EYS: variants seen among roughly 807,000 people sequenced by gnomAD.
The protein encoded by EYS is EGF-like photoreceptor maintenance factor.
In EYS, 250 loss-of-function variants were observed where a neutral mutation model predicts 282.1. The ratio of observed to expected loss-of-function variants is 0.89; its 90% confidence interval spans 0.80 to 0.98. EYS has a LOEUF of 0.98. Ranked by LOEUF, EYS falls within the 50% of genes least tolerant of loss-of-function variation. The pLI, the probability that EYS is intolerant of heterozygous loss-of-function variation, is 0.00. For missense variants in EYS, 4,016 were observed against 3,709.0 expected, an observed-to-expected ratio of 1.08 and a Z score of -2.15; for synonymous variants, 1,355 against 1,282.9, an observed-to-expected ratio of 1.06 and a Z score of -1.20.
chr6:65,270,216 G>A (rs1315183251), intron 12 of EYS, among the ~76,000 whole-genome samples: 1 of 152,176 alleles, frequency 6.6e-6, no homozygotes, highest in African/African-American at 2.4e-5. Context: ...TAGGAAAGAA[G>A]GAAGGGGTGA....
chr6:64,200,837 T>A (rs1765440067), intron 31 of EYS, among the ~76,000 whole-genome samples: 1 of 152,134 alleles, frequency 6.6e-6, no homozygotes, highest in Admixed American at 6.6e-5. Context: ...ACACAAAACC[T>A]GGAAAGACCA....
chr6:64,887,447 A>T (rs1767132569), intron 18 of EYS, among the ~76,000 whole-genome samples: 1 of 152,080 alleles, frequency 6.6e-6, no homozygotes, highest in Non-Finnish European at 1.5e-5. Flanking sequence ...AAACAAACAA[A>T]AAAAAAGAAA....
rs187509729 is a variant in EYS at position 65,087,301 on chromosome 6, G to T, written c.2024-29574C>A. Among the ~76,000 whole-genome samples the T allele has an allele frequency of 1.7e-3, 255 of 151,840 alleles. 2 individuals are homozygous for T. Among genetic ancestry groups the T allele is most frequent in the African/African-American group, 5.9e-3 (245 of 41,430 alleles). On this transcript the variant is annotated intron_variant, in intron 12 of 42. Coordinates refer to ENST00000503581, the MANE Select transcript of EYS (RefSeq NM_001142800.2). The stretch of plus-strand genomic sequence containing the variant: ...TGAAAGCTTCATCACCTTTGGTTTG[G>T]TTTATTTTCCATTATTCCACCAAAA...
intron 22 of EYS, among the ~76,000 whole-genome samples, chr6:64,726,523 T>C (rs532917990): frequency 2.1e-4 from 32 of 152,290 alleles, no homozygotes; most frequent in Non-Finnish European, 4.4e-4. Context: ...TTTAAAGTTC[T>C]GTCATGGTAT....
At chr6:63,927,515 G>C (rs975531338) in intron 35 of EYS, among the ~76,000 whole-genome samples, 1 of 152,184 alleles carries the variant, frequency 6.6e-6, no homozygotes, top group Non-Finnish European at 1.5e-5. Context: ...AATTGAGATG[G>C]ATGTTCCTTT....
chr6:63,870,116 C>T (rs1372489276), intron 35 of EYS, among the ~76,000 whole-genome samples: 2 of 152,128 alleles, frequency 1.3e-5, no homozygotes, highest in Non-Finnish European at 2.9e-5. Context: ...CAGGTAATTT[C>T]CTGTAAAGAT....
intron 2 of EYS, among the ~76,000 whole-genome samples, chr6:65,499,918 T>C (rs1338974005): frequency 2.0e-5 from 3 of 151,956 alleles, no homozygotes; most frequent in African/African-American, 7.2e-5. Flanking sequence ...GTCTTGATTA[T>C]GACAATGATC....
chr6:65,704,670 G>A (rs1769811833), intron 1 of EYS, among the ~76,000 whole-genome samples: 1 of 152,162 alleles, frequency 6.6e-6, no homozygotes, highest in South Asian at 2.1e-4. Context: ...CTCAAGAATA[G>A]ACACCTTCTA....
chr6:64,985,512 T>C (rs749090773), intron 14 of EYS, among the ~76,000 whole-genome samples: 2 of 151,602 alleles, frequency 1.3e-5, no homozygotes, highest in Non-Finnish European at 1.5e-5. Context: ...AGAACAATTC[T>C]ATCTTCTTTT....
chr6:63,848,634 G>C (rs1772161946), intron 36 of EYS, among the ~76,000 whole-genome samples: 1 of 152,008 alleles, frequency 6.6e-6, no homozygotes, highest in African/African-American at 2.4e-5. Flanking sequence ...GTGTCACGAG[G>C]GATGGTGCTA....
intron 33 of EYS, among the ~76,000 whole-genome samples, chr6:64,011,124 G>A (rs1403940499): frequency 6.6e-6 from 1 of 152,062 alleles, no homozygotes; most frequent in African/African-American, 2.4e-5. Flanking sequence ...TAGCAAGTAT[G>A]TACTCTTACC....
intron 9 of EYS, 62 bp from the exon 10 acceptor site, chr6:65,344,239 TA>T: frequency 7.6e-7 from 1 of 1,322,790 alleles, no homozygotes; most frequent in Non-Finnish European, 1.1e-6. Flanking sequence ...CAGAATGAAT[TA>T]TTAAGGACTG....
At chr6:64,107,539 T>C (rs537116662) in intron 31 of EYS, among the ~76,000 whole-genome samples, 28 of 151,822 alleles carry the variant, frequency 1.8e-4, no homozygotes, top group Admixed American at 1.3e-3. Flanking sequence ...TGGCAGCTGA[T>C]TAGATTGTGC....
intron 28 of EYS, among the ~76,000 whole-genome samples, chr6:64,393,006 G>A (rs1301900172): frequency 3.3e-5 from 5 of 152,138 alleles, no homozygotes; most frequent in Admixed American, 1.3e-4. Flanking sequence ...ACACCTCTAC[G>A]CAAATACTAA....
At chr6:64,497,843 G>C (rs1278189611) in intron 26 of EYS, among the ~76,000 whole-genome samples, 1 of 152,078 alleles carries the variant, frequency 6.6e-6, no homozygotes, top group Non-Finnish European at 1.5e-5. Flanking sequence ...GAAGAAGAAA[G>C]ATGAATCAGA....
At chr6:64,339,958 C>T (rs78884150) in intron 29 of EYS, among the ~76,000 whole-genome samples, 1,663 of 151,636 alleles carry the variant, frequency 0.011, 32 homozygotes, top group African/African-American at 0.038. Flanking sequence ...GAATACTTCT[C>T]GGGTTGTAGG....
At chr6:65,560,354 A>C (rs1769003173) in intron 2 of EYS, among the ~76,000 whole-genome samples, 1 of 143,004 alleles carries the variant, frequency 7.0e-6, no homozygotes. Flanking sequence ...ATTGTATATA[A>C]TATAACATAA....
At chr6:65,225,601 C>G (rs987576019) in intron 12 of EYS, among the ~76,000 whole-genome samples, 12 of 151,506 alleles carry the variant, frequency 7.9e-5, no homozygotes, top group Non-Finnish European at 5.9e-5. Context: ...GTAATCCCAG[C>G]TACTCGGGAG....
chr6:64,746,549 A>G (rs956734442), intron 22 of EYS, among the ~76,000 whole-genome samples: 3 of 152,236 alleles, frequency 2.0e-5, no homozygotes, highest in African/African-American at 7.2e-5. Context: ...ATAACACTAC[A>G]GTAACACATT....
Sources: gnomAD v4.1 joint callset for allele counts (sites outside exome capture counted in the v4.1 genomes callset) on GRCh38, gnomAD v4.1.1 for gene constraint, MANE v1.5 for transcripts, NCBI Gene and HGNC (gene_info 2026-07-23, HGNC 2026-07-21) for gene names.